The following FAM107B variants were observed in gnomAD, a reference collection of about 807,000 sequenced individuals.
FAM107B encodes protein FAM107B.
FAM107B carries 21 observed loss-of-function variants against 31.5 expected under a neutral mutation model. The ratio of observed to expected loss-of-function variants is 0.67; its 90% CI spans 0.47 to 0.96. The LOEUF (loss-of-function observed/expected upper bound fraction) is 0.96, where lower values mean the gene tolerates loss of function less well. Among genes scored for constraint, FAM107B ranks in the 40% least tolerant of loss-of-function variants. The probability of loss-of-function intolerance (pLI) is 0.00; values close to 1 mark genes in which losing one functional copy is unlikely to be tolerated. For missense variants in FAM107B, 452 were observed against 377.1 expected (o/e 1.20, Z -1.64); for synonymous variants, 157 against 141.5 (o/e 1.11, Z -0.78).
intron 1 of FAM107B, among the ~76,000 whole-genome samples, chr10:14,760,717 T>C (rs1328425668): frequency 6.6e-6 from 1 of 152,152 alleles, no homozygotes; most frequent in Non-Finnish European, 1.5e-5. Flanking sequence ...GGATGTAATC[T>C]TGCACTTAAT....
rs142001558 is a variant in FAM107B at position 14,666,285 on chromosome 10, G to A, written c.469+1349C>T. On this transcript the variant is annotated intron_variant, in intron 2 of 4. Coordinates refer to ENST00000181796, the MANE Select transcript of FAM107B (RefSeq NM_031453.4). The stretch of plus-strand genomic sequence containing the variant: ...AGTTCTGCAGGGCTAGGGAGGACTC[G>A]GGAAACTTACAATCATGGCGGAAGC... Among the ~76,000 whole-genome samples, 588 of 152,192 alleles carry A rather than the reference G, an allele frequency of 3.9e-3. 11 individuals carry two copies. In the East Asian group the frequency reaches 0.053, roughly 14 times the overall value.
intron 2 of FAM107B, among the ~76,000 whole-genome samples, chr10:14,661,293 G>T (rs928255286): frequency 6.6e-6 from 1 of 152,160 alleles, no homozygotes; most frequent in African/African-American, 2.4e-5. Flanking sequence ...CTGCGCTAAG[G>T]GGTGCCCAGA....
intron 2 of FAM107B, among the ~76,000 whole-genome samples, chr10:14,595,701 A>G (rs1213501769): frequency 6.6e-6 from 1 of 152,114 alleles, no homozygotes; most frequent in East Asian, 1.9e-4. Flanking sequence ...GGAATAAAAC[A>G]ACACTAAGTC....
At chr10:14,709,585 T>C (rs1338582662) in intron 1 of FAM107B, among the ~76,000 whole-genome samples, 1 of 152,220 alleles carries the variant, frequency 6.6e-6, no homozygotes, top group Non-Finnish European at 1.5e-5. Context: ...CCACAACATG[T>C]GGCAATTGTG....
intron 2 of FAM107B, chr10:14,556,367 A>G (rs1849700090): frequency 8.1e-6 from 8 of 985,434 alleles, no homozygotes; most frequent in Non-Finnish European, 9.6e-6. Context: ...CTGACCTCAG[A>G]GTTTCTGGAC....
At chr10:14,534,506 G>A (rs1296567040) in intron 2 of FAM107B, among the ~76,000 whole-genome samples, 3 of 152,116 alleles carry the variant, frequency 2.0e-5, no homozygotes, top group Admixed American at 6.5e-5. Flanking sequence ...CAACTCTTGC[G>A]TCTCACAAAT....
At chr10:14,630,075 A>G (rs1439272584) in intron 2 of FAM107B, among the ~76,000 whole-genome samples, 1 of 152,170 alleles carries the variant, frequency 6.6e-6, no homozygotes, top group Non-Finnish European at 1.5e-5. Flanking sequence ...GATGCTGTGT[A>G]AAGTAGGAGT....
chr10:14,544,500 G>C (rs1382918213), intron 2 of FAM107B, among the ~76,000 whole-genome samples: 1 of 152,130 alleles, frequency 6.6e-6, no homozygotes, highest in Non-Finnish European at 1.5e-5. Flanking sequence ...AGTTAATCAT[G>C]AAGTTTTTCT....
intron 2 of FAM107B, among the ~76,000 whole-genome samples, chr10:14,574,515 C>T (rs1165025376): frequency 6.6e-6 from 1 of 152,164 alleles, no homozygotes; most frequent in African/African-American, 2.4e-5. Context: ...AGAACAAAGC[C>T]CATGTGGCTG....
chr10:14,693,611 G>A (rs960611943), intron 1 of FAM107B, among the ~76,000 whole-genome samples: 21 of 152,086 alleles, frequency 1.4e-4, no homozygotes, highest in Admixed American at 7.2e-4. Flanking sequence ...TGGCAAGAGC[G>A]GCTAAAATCT....
intron 2 of FAM107B, among the ~76,000 whole-genome samples, chr10:14,553,677 A>G (rs971510452): frequency 6.6e-6 from 1 of 152,224 alleles, no homozygotes; most frequent in Non-Finnish European, 1.5e-5. Context: ...TGACTCGCAG[A>G]AGGAGCCCAA....
At chr10:14,756,115 C>A (rs1237948306) in intron 1 of FAM107B, among the ~76,000 whole-genome samples, 4 of 152,018 alleles carry the variant, frequency 2.6e-5, no homozygotes, top group African/African-American at 9.7e-5. Flanking sequence ...GTTTATTGAA[C>A]AAATTAAAGG....
At chr10:14,531,484 G>A (rs568228360) in intron 2 of FAM107B, among the ~76,000 whole-genome samples, 9 of 148,424 alleles carry the variant, frequency 6.1e-5, no homozygotes, top group Middle Eastern at 3.7e-3. Flanking sequence ...TTGCACCACC[G>A]CACTCCAGCC....
chr10:14,627,208 T>G (rs553829091), intron 2 of FAM107B, among the ~76,000 whole-genome samples: 19 of 152,304 alleles, frequency 1.2e-4, no homozygotes, highest in African/African-American at 4.3e-4. Context: ...AAAGGAAAAT[T>G]TCCTAAATAG....
intron 2 of FAM107B, among the ~76,000 whole-genome samples, chr10:14,618,352 G>A (rs543183864): frequency 3.3e-5 from 5 of 152,082 alleles, no homozygotes; most frequent in South Asian, 2.1e-4. Context: ...GAATAAAGCC[G>A]TTATAAACAT....
rs142534354 is a variant in FAM107B at position 14,591,231 on chromosome 10, G to A, written c.470-60716C>T. ...GGGGAATTCTACCTCCTAAACCTAG[G>A]TCATTCTCTCCTAACTTAGGTGAAC... On this transcript the variant is annotated intron_variant, in intron 2 of 4. Transcript: ENST00000181796. Among the ~76,000 whole-genome samples the A allele has an allele frequency of 2.1e-3, 314 of 152,212 alleles. 1 individual carries two copies. Among genetic ancestry groups the A allele is most frequent in the African/African-American group, 7.3e-3 (304 of 41,512 alleles).
At chr10:14,572,474 A>G (rs1851294101) in intron 2 of FAM107B, 2 of 886,522 alleles carry the variant, frequency 2.3e-6, no homozygotes, top group African/African-American at 3.6e-5. Flanking sequence ...CCTGAGACCA[A>G]TCAGAATGGC....
At chr10:14,762,758 A>T (rs1007468524) in intron 1 of FAM107B, among the ~76,000 whole-genome samples, 37 of 73,356 alleles carry the variant, frequency 5.0e-4, no homozygotes, top group East Asian at 2.1e-3. Context: ...TCTGTCTCAC[A>T]CACACACACA....
chr10:14,648,180 A>G (rs914347793), intron 2 of FAM107B, among the ~76,000 whole-genome samples: 1 of 152,224 alleles, frequency 6.6e-6, no homozygotes, highest in Non-Finnish European at 1.5e-5. Context: ...TGAGGTAATT[A>G]TGGTCTAACC....
Sources: allele counts gnomAD v4.1 joint callset (sites outside exome capture counted in the v4.1 genomes callset), GRCh38; gene constraint gnomAD v4.1.1; transcripts MANE v1.5; gene names NCBI Gene and HGNC (gene_info 2026-07-23, HGNC 2026-07-21).